Variants in MAF observed in about 807,000 individuals in gnomAD.
The protein encoded by MAF is MAF bZIP transcription factor.
MAF carries 10 observed loss-of-function variants against 22.0 expected under a neutral mutation model. The ratio of observed to expected loss-of-function variants is 0.45; its 90% CI spans 0.28 to 0.77. The LOEUF (loss-of-function observed/expected upper bound fraction) is 0.77. MAF is among the 30% of genes least tolerant of loss of function. The pLI is 0.12. For missense variants in MAF, 544 were observed against 548.4 expected, an observed-to-expected ratio of 0.99 and a Z score of 0.08; for synonymous variants, 337 against 255.8, an observed-to-expected ratio of 1.32 and a Z score of -3.03.
the MAF span, among the ~76,000 whole-genome samples, chr16:79,579,018 A>G: frequency 6.6e-6 from 1 of 152,306 alleles, no homozygotes; most frequent in Admixed American, 6.5e-5. Flanking sequence ...CCTTTGGGTT[A>G]GCAAACCAGT....
chr16:79,589,800 G>T (rs576920043), downstream of MAF, among the ~76,000 whole-genome samples: 1 of 152,188 alleles, frequency 6.6e-6, no homozygotes, highest in Non-Finnish European at 1.5e-5. Context: ...GCAGGGGTGC[G>T]GGAGCTTGGG....
At chr16:79,425,986 C>G in the MAF span, among the ~76,000 whole-genome samples, 1 of 152,192 alleles carries the variant, frequency 6.6e-6, no homozygotes, top group Non-Finnish European at 1.5e-5. Context: ...ACAGGCGGAT[C>G]ACCAGATCAG....
At chr16:79,241,977 C>G in the MAF span, among the ~76,000 whole-genome samples, 2 of 151,948 alleles carry the variant, frequency 1.3e-5, no homozygotes, top group Non-Finnish European at 2.9e-5. Context: ...AAAATTTTTA[C>G]AGACAAGCAA....
At chr16:79,482,529 T>A in the MAF span, among the ~76,000 whole-genome samples, 3 of 152,090 alleles carry the variant, frequency 2.0e-5, no homozygotes, top group East Asian at 1.9e-4. Context: ...AGGAGCACAA[T>A]CTGATGAGGA....
chr16:79,510,698 G>A, the MAF span, among the ~76,000 whole-genome samples: 15 of 152,164 alleles, frequency 9.9e-5, no homozygotes, highest in African/African-American at 3.6e-4. Context: ...GCCCTCAAAG[G>A]GGACATACAC....
chr16:79,508,674 G>A, the MAF span, among the ~76,000 whole-genome samples: 42 of 152,262 alleles, frequency 2.8e-4, 1 homozygote, highest in South Asian at 4.1e-4. Flanking sequence ...ATTACATATA[G>A]CACAGACTAC....
chr16:79,290,779 T>C, the MAF span, among the ~76,000 whole-genome samples: 501 of 152,112 alleles, frequency 3.3e-3, 7 homozygotes, highest in African/African-American at 0.012. Context: ...CAGGGCGAAT[T>C]TGGTGTTTCT....
the MAF span, among the ~76,000 whole-genome samples, chr16:79,580,262 C>G: frequency 6.6e-6 from 1 of 152,146 alleles, no homozygotes; most frequent in Admixed American, 6.5e-5. Context: ...AGGTCATGTG[C>G]TATTTCATGA....
chr16:79,491,284 A>C, the MAF span, among the ~76,000 whole-genome samples: 1 of 152,278 alleles, frequency 6.6e-6, no homozygotes, highest in East Asian at 1.9e-4. Context: ...AGTTAGAGGA[A>C]CCGAGAGATT....
chr16:79,216,391 C>G, the MAF span, among the ~76,000 whole-genome samples: 2 of 152,084 alleles, frequency 1.3e-5, no homozygotes, highest in African/African-American at 4.8e-5. Context: ...ACAGATGATC[C>G]CTAACTCATG....
At chr16:79,232,277 G>C in the MAF span, among the ~76,000 whole-genome samples, 2 of 151,938 alleles carry the variant, frequency 1.3e-5, no homozygotes, top group African/African-American at 4.8e-5. Flanking sequence ...TGGCTGGGTT[G>C]GTGAAATGTG....
chr16:79,279,201 C>T, the MAF span, among the ~76,000 whole-genome samples: 3 of 152,124 alleles, frequency 2.0e-5, no homozygotes, highest in African/African-American at 7.2e-5. Context: ...CTTCTTCCCT[C>T]TCCACCCCCT....
At chr16:79,483,740 G>C in the MAF span, among the ~76,000 whole-genome samples, 1 of 152,166 alleles carries the variant, frequency 6.6e-6, no homozygotes, top group African/African-American at 2.4e-5. Flanking sequence ...TAGAGAGAGA[G>C]GGGAAGCCAG....
chr16:79,253,392 G>A, the MAF span, among the ~76,000 whole-genome samples: 1,190 of 152,152 alleles, frequency 7.8e-3, 7 homozygotes, highest in African/African-American at 0.028. Context: ...ATATGAGCAA[G>A]GTTCACTTAA....
chr16:79,466,496 T>A, the MAF span, among the ~76,000 whole-genome samples: 48 of 152,172 alleles, frequency 3.2e-4, 1 homozygote, highest in East Asian at 9.3e-3. Flanking sequence ...ATAAAAAGAA[T>A]CCTGAATTAG....
At chr16:79,467,012 C>A in the MAF span, among the ~76,000 whole-genome samples, 1 of 152,316 alleles carries the variant, frequency 6.6e-6, no homozygotes, top group South Asian at 2.1e-4. Context: ...TCCTGGCCGC[C>A]TCCAAGCCAT....
chr16:79,339,446 G>C, the MAF span, among the ~76,000 whole-genome samples: 3 of 152,126 alleles, frequency 2.0e-5, no homozygotes, highest in Admixed American at 2.0e-4. Flanking sequence ...AGGCCCCAGA[G>C]GATAACAGAC....
chr16:79,292,661 C>T, the MAF span, among the ~76,000 whole-genome samples: 9 of 152,028 alleles, frequency 5.9e-5, no homozygotes, highest in East Asian at 9.7e-4. Flanking sequence ...GCTGCATTCC[C>T]GGGAAGTTAG....
the MAF span, among the ~76,000 whole-genome samples, chr16:79,317,506 T>TCTCC: frequency 7.1e-6 from 1 of 141,004 alleles, no homozygotes; most frequent in African/African-American, 2.7e-5. Flanking sequence ...CCCTTTCTTT[T>TCTCC]CTGCCTCCCT....
Sources: allele counts gnomAD v4.1 joint callset (sites outside exome capture counted in the v4.1 genomes callset), GRCh38; gene constraint gnomAD v4.1.1; transcripts MANE v1.5; gene names NCBI Gene and HGNC (gene_info 2026-07-23, HGNC 2026-07-21).